ANKRD30B: variants seen among roughly 807,000 people sequenced by gnomAD.
ANKRD30B encodes ankyrin repeat domain-containing protein 30B.
Under a neutral mutation model 202.2 loss-of-function variants are expected in ANKRD30B, and 144 were observed. The observed-to-expected ratio is 0.71, with a 90% CI of 0.62 to 0.82. The LOEUF (loss-of-function observed/expected upper bound fraction) is 0.82. Among genes scored for constraint, ANKRD30B ranks in the 40% least tolerant of loss-of-function variants. The probability of loss-of-function intolerance (pLI) is 0.00; values close to 1 mark genes in which losing one functional copy is unlikely to be tolerated. For missense variants in ANKRD30B, 1,487 were observed against 1,669.1 expected (o/e 0.89, Z 1.90); for synonymous variants, 508 against 561.3 (o/e 0.91, Z 1.34).
the ANKRD30B span, among the ~76,000 whole-genome samples, chr18:14,929,716 G>A: frequency 6.6e-6 from 1 of 152,148 alleles, no homozygotes; most frequent in Admixed American, 6.6e-5. Context: ...GACGGGCAAA[G>A]TTACTGCCCC....
the ANKRD30B span, among the ~76,000 whole-genome samples, chr18:14,928,091 C>A: frequency 6.6e-6 from 1 of 152,246 alleles, no homozygotes; most frequent in Admixed American, 6.5e-5. Context: ...CCTCAGCTTC[C>A]TGAGTAGCTG....
chr18:14,867,598 A>G, the ANKRD30B span, among the ~76,000 whole-genome samples: 1 of 152,130 alleles, frequency 6.6e-6, no homozygotes, highest in Non-Finnish European at 1.5e-5. Flanking sequence ...AGCCCCAGGC[A>G]TGGAGTAGTG....
At chr18:14,872,092 A>G in the ANKRD30B span, among the ~76,000 whole-genome samples, 3 of 152,160 alleles carry the variant, frequency 2.0e-5, no homozygotes, top group Admixed American at 2.0e-4. Flanking sequence ...ACAGCCACGA[A>G]GCAGACACCA....
intron 9 of ANKRD30B, among the ~76,000 whole-genome samples, chr18:14,774,814 G>T (rs762490670): frequency 2.0e-5 from 3 of 151,286 alleles, no homozygotes; most frequent in Non-Finnish European, 4.4e-5. Context: ...TTTGTTCTAG[G>T]TTATTTTAGC....
intron 39 of ANKRD30B, among the ~76,000 whole-genome samples, chr18:14,843,754 A>G (rs1295524617): frequency 6.6e-6 from 1 of 152,158 alleles, no homozygotes; most frequent in Admixed American, 6.5e-5. Flanking sequence ...AGATGGCGCC[A>G]CTGCACTCCA....
At chr18:14,850,879 A>T (rs1049587663) in intron 41 of ANKRD30B, among the ~76,000 whole-genome samples, 2 of 152,034 alleles carry the variant, frequency 1.3e-5, no homozygotes, top group Admixed American at 6.6e-5. Flanking sequence ...TCCTGGATGT[A>T]GACTCAGAAG....
At chr18:14,779,875 C>T (rs1247155509) in intron 10 of ANKRD30B, 85 bp from the exon 11 acceptor site, 127 of 937,624 alleles carry the variant, frequency 1.4e-4, no homozygotes, top group Non-Finnish European at 2.0e-4. Flanking sequence ...TCCACAGATT[C>T]ATGAATGAAA....
the ANKRD30B span, among the ~76,000 whole-genome samples, chr18:14,867,593 C>T: frequency 1.2e-3 from 184 of 152,276 alleles, no homozygotes; most frequent in African/African-American, 4.1e-3. Context: ...CTGGGAGCCC[C>T]AGGCATGGAG....
chr18:14,888,022 T>G, the ANKRD30B span, among the ~76,000 whole-genome samples: 1 of 152,170 alleles, frequency 6.6e-6, no homozygotes, highest in East Asian at 1.9e-4. Context: ...ACAAGATTTT[T>G]GGAAACATCC....
At chr18:14,930,888 G>A in the ANKRD30B span, among the ~76,000 whole-genome samples, 1 of 152,232 alleles carries the variant, frequency 6.6e-6, no homozygotes, top group Non-Finnish European at 1.5e-5. Flanking sequence ...GCTAATTAAA[G>A]TCAGGAGTTT....
At chr18:14,873,688 A>T in the ANKRD30B span, among the ~76,000 whole-genome samples, 16 of 152,202 alleles carry the variant, frequency 1.1e-4, no homozygotes, top group South Asian at 2.7e-3. Flanking sequence ...ATGGGGATTG[A>T]ATGAGATTAA....
At chr18:14,764,167 T>C in intron 7 of ANKRD30B, 77 bp downstream of exon 7, 1 of 1,370,802 alleles carries the variant, frequency 7.3e-7, no homozygotes, top group Non-Finnish European at 9.6e-7. Context: ...ATATGGGAGT[T>C]GTTGGGAATG....
intron 34 of ANKRD30B, among the ~76,000 whole-genome samples, chr18:14,833,059 C>A (rs1428661799): frequency 1.3e-5 from 2 of 151,368 alleles, no homozygotes; most frequent in Non-Finnish European, 2.9e-5. Flanking sequence ...GCGTCAGCCT[C>A]CTGTGTAGCT....
chr18:14,939,418 G>A, the ANKRD30B span, among the ~76,000 whole-genome samples: 1 of 152,156 alleles, frequency 6.6e-6, no homozygotes, highest in Non-Finnish European at 1.5e-5. Context: ...CAGGTGTGGG[G>A]GATCCCTATG....
chr18:14,920,859 AGT>A, the ANKRD30B span, among the ~76,000 whole-genome samples: 2 of 152,238 alleles, frequency 1.3e-5, no homozygotes, highest in African/African-American at 4.8e-5. Context: ...CAAGTTACCA[AGT>A]GCAAGTGCAT....
chr18:14,837,144 T>G, intron 34 of ANKRD30B, 67 bp from the exon 35 acceptor site: 1 of 980,710 alleles, frequency 1.0e-6, no homozygotes. Flanking sequence ...ATTGAGTGAG[T>G]GAATAAATAC....
the ANKRD30B span, among the ~76,000 whole-genome samples, chr18:14,923,620 C>A: frequency 2.6e-5 from 4 of 152,310 alleles, no homozygotes; most frequent in African/African-American, 9.6e-5. Flanking sequence ...GCTGGCTTTG[C>A]AACCTGCTAA....
chr18:14,903,607 G>T, the ANKRD30B span: 1 of 152,292 alleles, frequency 6.6e-6, no homozygotes, highest in African/African-American at 2.4e-5. Flanking sequence ...TACTCCCTCT[G>T]GTCTCTATGT....
rs1598727299 is a variant in ANKRD30B, at chr18:14,854,631, A to G, written c.*473A>G. Among the ~76,000 whole-genome samples, 1 of 152,230 alleles carries G rather than the reference A, an allele frequency of 6.6e-6. No individual in the cohort carries two copies. Among genetic ancestry groups the G allele is most frequent in the South Asian group, 2.1e-4 (1 of 4,828 alleles). ...TAGTCTCCCATTTAGGTACAAGCCTAGACAGACAGGAACACTTTTTTATAA... is the reference window on the plus strand; with the variant it reads ...TAGTCTCCCATTTAGGTACAAGCCTGGACAGACAGGAACACTTTTTTATAA... On this transcript the variant is annotated 3_prime_UTR_variant, in exon 44 of 44. Transcript: ENST00000690538.
Sources: gnomAD v4.1 joint callset for allele counts (sites outside exome capture counted in the v4.1 genomes callset) on GRCh38, gnomAD v4.1.1 for gene constraint, MANE v1.5 for transcripts, NCBI Gene and HGNC (gene_info 2026-07-23, HGNC 2026-07-21) for gene names.